The following CFAP74 variants were observed in gnomAD, a reference collection of about 807,000 sequenced individuals.
CFAP74 encodes cilia- and flagella-associated protein 74.
A neutral mutation model predicts 188.9 loss-of-function variants in CFAP74; 124 were observed. The observed-to-expected ratio is 0.66, with a 90% CI of 0.57 to 0.76. The LOEUF is 0.76. Ranked by LOEUF, CFAP74 falls within the 30% of genes least tolerant of loss-of-function variation. The pLI is 0.00. For missense variants in CFAP74, 2,198 were observed against 2,165.2 expected (o/e 1.02, Z -0.30); for synonymous variants, 956 against 916.7 (o/e 1.04, Z -0.77).
At position 1,973,450 on chromosome 1, in the gene CFAP74, G is replaced by A. The variant is rs1179277472; in HGVS notation, c.675-403C>T. On this transcript the variant is annotated intron_variant, in intron 7 of 38. Coordinates refer to ENST00000682832, the MANE Select transcript of CFAP74 (RefSeq NM_001304360.2). This position sits in a 1 kb window ranked among gnomAD's most constrained non-coding sequence, Gnocchi z 6.2. ...AGCTGAAGGGAAGGAATGAGATGGG[G>A]GAGGGGATGGAGGCCAGAAGGGGGT... 6.6e-6 allele frequency among the ~76,000 whole-genome samples: 1 copy of A among 152,174 alleles called. No homozygotes were observed. Among genetic ancestry groups the A allele is most frequent in the African/African-American group, 2.4e-5 (1 of 41,436 alleles).
chr1:1,962,769 C>T (rs1328166590), intron 14 of CFAP74, among the ~76,000 whole-genome samples: 1 of 151,918 alleles, frequency 6.6e-6, no homozygotes, highest in African/African-American at 2.4e-5. Context: ...GCTGTGGTCC[C>T]AGTTACTCAG....
In CFAP74 at chr1:1,923,244, G is replaced by T; in HGVS notation, c.4523-99C>A. On this transcript the variant is annotated intron_variant, in intron 36 of 38. Transcript: ENST00000682832. The surrounding 1 kb of genome is among the most constrained non-coding windows in gnomAD (Gnocchi z 6.3). ...AACTCTGGTTAGCAGTGGCTGTCCT[G>T]CTTGGCTCTGGGGTAGAAGGCTGGG... The T allele has an allele frequency of 6.7e-7, 1 of 1,494,832 alleles. No homozygotes were observed. The allele number at this position is 1,494,832 out of a possible 1,614,324, so 92.6% of individuals were successfully genotyped here.
rs560267991 is a variant in CFAP74 at position 1,940,796 on chromosome 1, A to G, written c.2616-393T>C. Among the ~76,000 whole-genome samples the G allele has an allele frequency of 1.6e-3, 248 of 152,370 alleles. 1 individual carries two copies. The highest frequency in any genetic ancestry group is 2.9e-3 in the Non-Finnish European group (200 of 68,040). On this transcript the variant is annotated intron_variant, in intron 22 of 38. Transcript: ENST00000682832. ...TAATCAGAGCTTGATCTCTGATTAC[A>G]TAAGTTAACGTTGTTAAAGAACTAT...
In CFAP74 at chr1:1,971,165, A is replaced by G. The variant is rs368431046; in HGVS notation, c.889-349T>C. ...CTCGCACATGCACACCTGGACACAC[A>G]TGCACACCTGCACACACGTGCACAG... On this transcript the variant is annotated intron_variant, in intron 9 of 38. Transcript: ENST00000682832. 3.8e-4 allele frequency among the ~76,000 whole-genome samples: 58 copies of G among 151,048 alleles called. No individual in the cohort carries two copies. The East Asian group carries it at 4.5e-3, about 12-fold the overall frequency.
In CFAP74 at chr1:1,972,003, TCAGCG is replaced by T. The variant is rs1339725595; in HGVS notation, c.860_864del (p.Ala287GlufsTer32). 27 of 1,611,778 alleles carry T rather than the reference TCAGCG, an allele frequency of 1.7e-5. No homozygotes were observed. The highest frequency in any genetic ancestry group is 2.2e-5 in the Non-Finnish European group (26 of 1,179,924). On this transcript the variant is annotated frameshift_variant, in exon 9 of 39. Transcript: ENST00000682832. LOFTEE classifies it high-confidence loss of function. ...ACCCGGTTCGCGGAGATGCTGCCCT[TCAGCG>T]CCACCACCGCATCCATGCGTCGCCT... is the stretch of plus-strand genomic sequence containing the variant.
At chr1:1,999,628 C>T (rs910959686) in intron 1 of CFAP74, among the ~76,000 whole-genome samples, 11 of 151,614 alleles carry the variant, frequency 7.3e-5, no homozygotes, top group Admixed American at 5.3e-4. Context: ...ACCAGCCTGG[C>T]CAACATGGTG....
intron 28 of CFAP74, 41 bp downstream of exon 28, chr1:1,927,566 G>C: frequency 6.5e-7 from 1 of 1,528,242 alleles, no homozygotes; most frequent in Non-Finnish European, 8.8e-7. Context: ...CACCAGAGGG[G>C]CCTGGAGGGA....
intron 21 of CFAP74, among the ~76,000 whole-genome samples, chr1:1,943,060 A>C (rs553878112): frequency 1.4e-4 from 21 of 152,150 alleles, no homozygotes; most frequent in African/African-American, 4.8e-4. Context: ...GGGTGCTCAG[A>C]GACCGCGCCC....
At chr1:1,937,816 A>G (rs1338127595) in intron 25 of CFAP74, among the ~76,000 whole-genome samples, 5 of 143,834 alleles carry the variant, frequency 3.5e-5, no homozygotes, top group Non-Finnish European at 7.7e-5. Flanking sequence ...GTCGCACAAG[A>G]CCTCAGAGCA....
chr1:1,974,247 G>C, intron 6 of CFAP74, 49 bp from the exon 7 acceptor site: 1 of 1,524,122 alleles, frequency 6.6e-7, no homozygotes, highest in Non-Finnish European at 8.9e-7. Flanking sequence ...CAGTCATCCT[G>C]GGGTGGGGGT....
At chr1:2,002,523 A>G (rs1658257385) in intron 1 of CFAP74, among the ~76,000 whole-genome samples, 1 of 151,476 alleles carries the variant, frequency 6.6e-6, no homozygotes, top group African/African-American at 2.4e-5. Flanking sequence ...TATACTAAAA[A>G]TACAAAAATT....
intron 18 of CFAP74, among the ~76,000 whole-genome samples, chr1:1,948,982 C>T (rs368425443): frequency 6.6e-4 from 12 of 18,278 alleles, no homozygotes; most frequent in Non-Finnish European, 8.7e-4. Flanking sequence ...CCTTCCCTCC[C>T]TCCTTTCCTT....
intron 25 of CFAP74, 80 bp from the exon 26 acceptor site, chr1:1,930,416 G>C (rs1470175173): frequency 2.2e-6 from 3 of 1,385,572 alleles, no homozygotes. Flanking sequence ...GCCACTGGGT[G>C]GAGGACAAGC....
At chr1:1,997,501 A>C (rs1244786386) in intron 1 of CFAP74, among the ~76,000 whole-genome samples, 2 of 152,188 alleles carry the variant, frequency 1.3e-5, no homozygotes, top group South Asian at 4.1e-4. Context: ...ATGACTCTAC[A>C]TAGAAAATCC....
At chr1:1,926,785 G>C in intron 29 of CFAP74, 24 bp from the exon 30 acceptor site, 1 of 1,548,740 alleles carries the variant, frequency 6.5e-7, no homozygotes. Flanking sequence ...GGCATGCTGA[G>C]GGCAGGGTGG....
chr1:1,978,736 C>T (rs980047171), intron 6 of CFAP74, among the ~76,000 whole-genome samples: 1 of 152,212 alleles, frequency 6.6e-6, no homozygotes, highest in African/African-American at 2.4e-5. Flanking sequence ...GAACTGCAAG[C>T]TCATAAATCC....
intron 10 of CFAP74, among the ~76,000 whole-genome samples, chr1:1,969,176 C>T (rs538187567): frequency 6.8e-6 from 1 of 147,040 alleles, no homozygotes; most frequent in Non-Finnish European, 1.5e-5. Context: ...CTCAGTCCTG[C>T]CCAGCCCTGC....
At chr1:1,979,156 C>T (rs1656641476) in intron 6 of CFAP74, among the ~76,000 whole-genome samples, 1 of 89,508 alleles carries the variant, frequency 1.1e-5, no homozygotes, top group Admixed American at 1.1e-4. Context: ...CGTGGGAAGG[C>T]ATCATGTGAC....
chr1:1,937,416 G>A (rs1196283306), intron 25 of CFAP74, among the ~76,000 whole-genome samples: 1 of 152,168 alleles, frequency 6.6e-6, no homozygotes, highest in Admixed American at 6.5e-5. Context: ...TACATTTCAA[G>A]GACCACAGAG....
Sources: gnomAD v4.1 joint callset for allele counts (sites outside exome capture counted in the v4.1 genomes callset) on GRCh38, gnomAD v4.1.1 for gene constraint, Gnocchi (gnomAD v3.1) non-coding constraint, MANE v1.5 for transcripts, NCBI Gene and HGNC (gene_info 2026-07-23, HGNC 2026-07-21) for gene names.